GCNT2: variants seen among roughly 807,000 people sequenced by gnomAD.
GCNT2 encodes N-acetyllactosaminide beta-1,6-N-acetylglucosaminyl-transferase.
A neutral mutation model predicts 34.2 loss-of-function variants in GCNT2; 34 were observed. The observed-to-expected ratio is 1.00, with a 90% CI of 0.76 to 1.32. The LOEUF (loss-of-function observed/expected upper bound fraction) is 1.32, where lower values mean the gene tolerates loss of function less well. Among genes scored for constraint, GCNT2 ranks in the 40% most tolerant of loss-of-function variants. The pLI is 0.00. For missense variants in GCNT2, 584 were observed against 489.4 expected (o/e 1.19, Z -1.82); for synonymous variants, 212 against 188.0 (o/e 1.13, Z -1.04).
At chr6:10,560,192 G>A (rs527842593) in intron 3 of GCNT2, among the ~76,000 whole-genome samples, 3 of 152,268 alleles carry the variant, frequency 2.0e-5, no homozygotes, top group South Asian at 2.1e-4. Context: ...GGGCTCAAGT[G>A]ATTCTTGTGC....
chr6:10,532,195 T>C (rs1761527807), intron 3 of GCNT2, among the ~76,000 whole-genome samples: 1 of 152,154 alleles, frequency 6.6e-6, no homozygotes, highest in South Asian at 2.1e-4. Context: ...TCAGAGTCTG[T>C]GATCCTAATC....
At chr6:10,581,582 T>C (rs935562117) in intron 3 of GCNT2, 13 of 183,184 alleles carry the variant, frequency 7.1e-5, no homozygotes, top group Non-Finnish European at 1.2e-4. Flanking sequence ...ATTTATTTAT[T>C]TTTGGATACT....
At chr6:10,533,452 A>G (rs1304486126) in intron 3 of GCNT2, among the ~76,000 whole-genome samples, 1 of 152,044 alleles carries the variant, frequency 6.6e-6, no homozygotes, top group Non-Finnish European at 1.5e-5. Context: ...TCCAGGAGCC[A>G]CATTAAAAGA....
intron 3 of GCNT2, among the ~76,000 whole-genome samples, chr6:10,583,905 C>T (rs1338917803): frequency 6.6e-6 from 1 of 152,132 alleles, no homozygotes; most frequent in African/African-American, 2.4e-5. Flanking sequence ...TCACATTTCT[C>T]TCTGGCATGC....
chr6:10,579,596 A>G (rs933660428), intron 3 of GCNT2, among the ~76,000 whole-genome samples: 2 of 152,016 alleles, frequency 1.3e-5, no homozygotes, highest in Non-Finnish European at 2.9e-5. Flanking sequence ...CGGGTGGATC[A>G]CTTGAGGTCA....
chr6:10,528,992 G>A lies in GCNT2; in HGVS notation c.81G>A (p.Glu27=), dbSNP rs770721251. The A allele has an allele frequency of 6.2e-7, 1 of 1,613,890 alleles. No homozygotes were observed. Among genetic ancestry groups the A allele is most frequent in the Non-Finnish European group, 8.5e-7 (1 of 1,179,780 alleles). ...TTTTTGTATTTGTTTACAATACTGA[G>A]TTATGGGAGAATAAACGTTTTCTGA... ...ALIFVFVYNT[E]LWENKRFLRA... The change falls in exon 3 of 5, where the codon GAG becomes GAA. Residue 27 remains glutamate, a synonymous_variant. Transcript: ENST00000495262.
chr6:10,557,313 A>G (rs1762765815), intron 3 of GCNT2: 1 of 1,613,762 alleles, frequency 6.2e-7, no homozygotes, highest in African/African-American at 1.3e-5. Context: ...CCTGATGAGC[A>G]TTTCTGGGTG....
At chr6:10,612,144 G>A (rs1378445700) in intron 3 of GCNT2, among the ~76,000 whole-genome samples, 1 of 151,986 alleles carries the variant, frequency 6.6e-6, no homozygotes, top group Non-Finnish European at 1.5e-5. Flanking sequence ...GTGCCACCAC[G>A]CCCGGCTAAT....
intron 3 of GCNT2, among the ~76,000 whole-genome samples, chr6:10,588,575 T>C (rs1366780071): frequency 2.0e-5 from 3 of 152,230 alleles, no homozygotes; most frequent in African/African-American, 7.2e-5. Flanking sequence ...GCATTTCTTT[T>C]TTCCTGTATA....
chr6:10,565,949 C>T (rs1324304332), intron 3 of GCNT2, among the ~76,000 whole-genome samples: 1 of 152,164 alleles, frequency 6.6e-6, no homozygotes, highest in Non-Finnish European at 1.5e-5. Flanking sequence ...TGTATGGATT[C>T]CCTTCCCCTA....
In GCNT2 at chr6:10,613,852, C is replaced by A. The variant is rs570843785; in HGVS notation, c.926-7499C>A. 2.0e-4 allele frequency among the ~76,000 whole-genome samples: 31 copies of A among 152,228 alleles called. No individual in the cohort carries two copies. The East Asian group carries it at 6.0e-3, about 29-fold the overall frequency. On this transcript the variant is annotated intron_variant, in intron 3 of 4. Coordinates refer to ENST00000495262, the MANE Select transcript of GCNT2 (RefSeq NM_145649.5). ...AGACGTTGGATGATGTCCAGGGATA[C>A]CCAGCTGGTTAGTGGCAAAGCTGGA... is the stretch of plus-strand genomic sequence containing the variant.
chr6:10,547,654 T>C (rs150923042), intron 3 of GCNT2, among the ~76,000 whole-genome samples: 10 of 152,350 alleles, frequency 6.6e-5, no homozygotes, highest in African/African-American at 1.2e-4. Context: ...TAAGTAGATA[T>C]CCTGTTTATC....
At chr6:10,569,126 A>G (rs1763412810) in intron 3 of GCNT2, among the ~76,000 whole-genome samples, 3 of 151,828 alleles carry the variant, frequency 2.0e-5, no homozygotes, top group South Asian at 4.2e-4. Flanking sequence ...TATTTATTGA[A>G]TTGAGTCAAA....
chr6:10,574,799 T>G (rs192367119), intron 3 of GCNT2: 438 of 613,994 alleles, frequency 7.1e-4, no homozygotes, highest in Non-Finnish European at 1.1e-3. Flanking sequence ...TCCTTCCCAC[T>G]GGCTCTCATA....
chr6:10,616,201 G>A (rs908901369), intron 3 of GCNT2, among the ~76,000 whole-genome samples: 2 of 152,138 alleles, frequency 1.3e-5, no homozygotes, highest in Non-Finnish European at 2.9e-5. Flanking sequence ...CTTTCAAGGC[G>A]GTGCGTTTGG....
intron 3 of GCNT2, among the ~76,000 whole-genome samples, chr6:10,618,860 A>T (rs993207050): frequency 6.9e-6 from 1 of 144,882 alleles, no homozygotes; most frequent in Non-Finnish European, 1.5e-5. Context: ...TACTTTTATT[A>T]AATAAATTCA....
intron 3 of GCNT2, among the ~76,000 whole-genome samples, chr6:10,545,362 T>C (rs533287280): frequency 6.6e-6 from 1 of 152,312 alleles, no homozygotes; most frequent in African/African-American, 2.4e-5. Flanking sequence ...TGGAGTTTTG[T>C]TTAAATCCAC....
intron 3 of GCNT2, among the ~76,000 whole-genome samples, chr6:10,563,028 G>GCCTGTAATCCCAGCTACT (rs1763077626): frequency 6.6e-6 from 1 of 152,134 alleles, no homozygotes; most frequent in Non-Finnish European, 1.5e-5. Context: ...TGTGGTGCAC[G>GCCTGTAATCCCAGCTACT]CCTGTAATCC....
chr6:10,549,563 CTTTTTTTTTTTTTT>C (rs33909973), intron 3 of GCNT2, among the ~76,000 whole-genome samples: 1 of 104,300 alleles, frequency 9.6e-6, no homozygotes, highest in Non-Finnish European at 1.8e-5. Flanking sequence ...ATCTCTCTCT[CTTTTTTTTTTTTTT>C]TTTTTTTTTT....
Sources: gnomAD v4.1 joint callset for allele counts (sites outside exome capture counted in the v4.1 genomes callset) on GRCh38, gnomAD v4.1.1 for gene constraint, MANE v1.5 for transcripts, NCBI Gene and HGNC (gene_info 2026-07-23, HGNC 2026-07-21) for gene names.